RBFOX1: variants seen among roughly 807,000 people sequenced by gnomAD.
RBFOX1 encodes the protein RNA binding protein fox-1 homolog 1.
In RBFOX1, 8 loss-of-function variants were observed where a neutral mutation model predicts 57.7. That is an observed-to-expected ratio of 0.14 (90% CI 0.08 to 0.25). The LOEUF (loss-of-function observed/expected upper bound fraction) is 0.25, where lower values mean the gene tolerates loss of function less well. Among genes scored for constraint, RBFOX1 ranks in the 10% least tolerant of loss-of-function variants. The pLI is 1.00. For synonymous variants in RBFOX1, 326 were observed against 222.4 expected (o/e 1.47, Z -4.15); for missense variants, 611 against 548.5 (o/e 1.11, Z -1.14).
At chr16:7,298,374 C>T (rs184529017) in intron 4 of RBFOX1, among the ~76,000 whole-genome samples, 16 of 151,266 alleles carry the variant, frequency 1.1e-4, no homozygotes, top group African/African-American at 2.7e-4. Context: ...CCGCAGCCTC[C>T]GCCTCCTGGG....
intron 3 of RBFOX1, among the ~76,000 whole-genome samples, chr16:6,949,092 C>T (rs12103087): frequency 0.14 from 21,962 of 152,120 alleles, 1,928 homozygotes; most frequent in Non-Finnish European, 0.19. Context: ...GTTTCTTTAT[C>T]CTCTGAAATG....
At chr16:7,607,937 G>T (rs577407850) in intron 10 of RBFOX1, among the ~76,000 whole-genome samples, 1 of 152,240 alleles carries the variant, frequency 6.6e-6, no homozygotes, top group East Asian at 1.9e-4. Flanking sequence ...TTACCTCTCA[G>T]CTGGGAAATC....
intron 2 of RBFOX1, among the ~76,000 whole-genome samples, chr16:6,354,446 G>A (rs968058719): frequency 4.6e-5 from 7 of 152,040 alleles, no homozygotes; most frequent in African/African-American, 7.2e-5. Flanking sequence ...ACACAGCAGC[G>A]AAACCAGTGT....
intron 4 of RBFOX1, among the ~76,000 whole-genome samples, chr16:7,254,879 A>C (rs1001370307): frequency 6.6e-6 from 1 of 152,158 alleles, no homozygotes; most frequent in African/African-American, 2.4e-5. Context: ...TGAATTTTTC[A>C]AGAATGTGGT....
chr16:7,028,118 A>G (rs1490341057), intron 3 of RBFOX1, among the ~76,000 whole-genome samples: 1 of 152,148 alleles, frequency 6.6e-6, no homozygotes, highest in Non-Finnish European at 1.5e-5. Flanking sequence ...TTGACTGCCT[A>G]GAAGCCTGCA....
At chr16:6,223,876 G>T (rs62015074) in intron 1 of RBFOX1, among the ~76,000 whole-genome samples, 29,333 of 152,050 alleles carry the variant, frequency 0.19, 3,010 homozygotes, top group Middle Eastern at 0.33. Flanking sequence ...ATTAATTTTT[G>T]TATGAGGTGT....
intron 2 of RBFOX1, among the ~76,000 whole-genome samples, chr16:6,360,824 A>C (rs1160671723): frequency 6.6e-6 from 1 of 152,208 alleles, no homozygotes; most frequent in South Asian, 2.1e-4. Context: ...CATAGTTATC[A>C]TTGTGAATGG....
intron 4 of RBFOX1, among the ~76,000 whole-genome samples, chr16:6,013,125 C>A (rs896451726): frequency 6.6e-6 from 1 of 152,070 alleles, no homozygotes; most frequent in East Asian, 1.9e-4. Flanking sequence ...TTTTAAAAAT[C>A]TTGTTTAGCT....
chr16:7,015,426 C>G (rs897558650), intron 3 of RBFOX1, among the ~76,000 whole-genome samples: 7 of 152,156 alleles, frequency 4.6e-5, no homozygotes, highest in African/African-American at 1.2e-4. Flanking sequence ...CTTATGGAAT[C>G]TGAATCTTCT....
intron 4 of RBFOX1, among the ~76,000 whole-genome samples, chr16:7,426,677 A>G (rs556714534): frequency 2.6e-5 from 4 of 152,312 alleles, no homozygotes; most frequent in African/African-American, 9.6e-5. Flanking sequence ...AGAAGGGGAC[A>G]TGATGCGTTG....
intron 3 of RBFOX1, among the ~76,000 whole-genome samples, chr16:5,691,006 C>G (rs1468121926): frequency 1.3e-5 from 2 of 152,132 alleles, no homozygotes; most frequent in African/African-American, 2.4e-5. Context: ...CAATAATCCT[C>G]TTTACCCCAG....
chr16:5,630,283 C>G (rs570981402), intron 3 of RBFOX1, among the ~76,000 whole-genome samples: 4 of 152,132 alleles, frequency 2.6e-5, no homozygotes, highest in African/African-American at 7.2e-5. Flanking sequence ...ATGGTGAAAC[C>G]CTGTGTCTAC....
chr16:7,670,669 T>A (rs2071115135), intron 13 of RBFOX1, among the ~76,000 whole-genome samples: 1 of 152,042 alleles, frequency 6.6e-6, no homozygotes, highest in Non-Finnish European at 1.5e-5. Context: ...ACTTTTAACA[T>A]AAGGAAGCAA....
chr16:5,526,442 C>G (rs527279023), intron 2 of RBFOX1, among the ~76,000 whole-genome samples: 15 of 152,274 alleles, frequency 9.9e-5, no homozygotes, highest in African/African-American at 3.6e-4. Context: ...CTGTGTGCCA[C>G]CATGTCCGGC....
intron 2 of RBFOX1, among the ~76,000 whole-genome samples, chr16:6,625,152 C>G (rs1408197559): frequency 1.2e-5 from 1 of 85,242 alleles, no homozygotes; most frequent in Non-Finnish European, 2.1e-5. Context: ...GCCACCAACC[C>G]TATCTAAAAA....
intron 4 of RBFOX1, chr16:7,304,546 C>G (rs1412250814): frequency 3.0e-6 from 3 of 985,208 alleles, no homozygotes; most frequent in African/African-American, 1.7e-5. Context: ...TGGGTCCCCG[C>G]GCGTACTGGG....
intron 3 of RBFOX1, among the ~76,000 whole-genome samples, chr16:6,774,773 A>G (rs542051179): frequency 5.9e-5 from 9 of 152,050 alleles, no homozygotes; most frequent in South Asian, 2.1e-4. Flanking sequence ...ACTTTCTGCA[A>G]TGGTGGGAGT....
At chr16:7,607,870 C>T (rs1596403255) in intron 10 of RBFOX1, among the ~76,000 whole-genome samples, 2 of 152,218 alleles carry the variant, frequency 1.3e-5, no homozygotes, top group African/African-American at 4.8e-5. Context: ...CCTTTTCTCT[C>T]TACTTTGCCT....
At chr16:7,695,936 T>C (rs1271042819) in intron 14 of RBFOX1, among the ~76,000 whole-genome samples, 1 of 152,198 alleles carries the variant, frequency 6.6e-6, no homozygotes, top group Admixed American at 6.5e-5. Flanking sequence ...GTGGATGGGC[T>C]AAGCATAGGC....
Sources: allele counts gnomAD v4.1 joint callset (sites outside exome capture counted in the v4.1 genomes callset), GRCh38; gene constraint gnomAD v4.1.1; transcripts MANE v1.5; gene names NCBI Gene and HGNC (gene_info 2026-07-23, HGNC 2026-07-21).